The following TMC4 variants were observed in gnomAD, a reference collection of about 807,000 sequenced individuals.
TMC4 encodes the protein voltage-gated chloride channel TMC4.
TMC4 carries 70 observed loss-of-function variants against 82.0 expected under a neutral mutation model. That is an observed-to-expected ratio of 0.85 (90% CI 0.70 to 1.04). TMC4 has a LOEUF of 1.04. Ranked by LOEUF, TMC4 falls within the 50% of genes least tolerant of loss-of-function variation. The pLI is 0.00. For missense variants in TMC4, 879 were observed against 899.0 expected (o/e 0.98, Z 0.28); for synonymous variants, 446 against 406.0 (o/e 1.10, Z -1.18).
At chr19:54,163,950 T>G in intron 7 of TMC4, 63 bp from the exon 8 acceptor site, 1 of 1,499,204 alleles carries the variant, frequency 6.7e-7, no homozygotes, top group Non-Finnish European at 9.1e-7. Flanking sequence ...CTTAAGGTCC[T>G]CCCCCCGGCC....
In TMC4 at chr19:54,171,869, C is replaced by G; in HGVS notation, c.293+1G>C. ...GGTCCCAGCTGGAGGTGGGGCCTCA[C>G]CTGTGTGCCCGTCTGGCCTGCATGG... On this transcript the variant is annotated splice_donor_variant, in intron 2 of 14. Coordinates refer to ENST00000619895, the MANE Select transcript of TMC4 (RefSeq NM_144686.4). LOFTEE classifies it high-confidence loss of function. 6.3e-7 allele frequency: 1 copy of G among 1,596,890 alleles called. No individual in the cohort carries two copies. The highest frequency in any genetic ancestry group is 8.5e-7 in the Non-Finnish European group (1 of 1,170,992).
chr19:54,168,109 C>T, intron 5 of TMC4, 62 bp downstream of exon 5: 1 of 1,517,620 alleles, frequency 6.6e-7, no homozygotes, highest in Non-Finnish European at 8.9e-7. Context: ...TTTCTGCCAC[C>T]ACCACTTGCT....
At position 54,171,939 on chromosome 19, in the gene TMC4, T is replaced by C. The variant is rs1391983542; in HGVS notation, c.224A>G (p.Gln75Arg). Residue 75 changes from glutamine (Q) to arginine (R), a missense_variant, in exon 2 of 15, where the codon CAG becomes CGG. Gln to Arg is a conservative substitution (Grantham distance 43, BLOSUM62 1). Coordinates refer to ENST00000619895, the MANE Select transcript of TMC4 (RefSeq NM_144686.4). ...RSRKAFTEVT[Q>R]TELQDPHPSR... ...AGGGTGAGGGTCCTGCAGCTCTGTCTGGGTGACTTCTGTGAAGGCCTTTCT... is the reference window on the plus strand; with the variant it reads ...AGGGTGAGGGTCCTGCAGCTCTGTCCGGGTGACTTCTGTGAAGGCCTTTCT... 1 of 1,613,742 alleles carries C rather than the reference T, an allele frequency of 6.2e-7. No individual in the cohort carries two copies. The highest frequency in any genetic ancestry group is 1.7e-5 in the Admixed American group (1 of 59,976).
chr19:54,163,637 GA>G (rs1326862781), intron 8 of TMC4, 86 bp downstream of exon 8: 4 of 1,491,434 alleles, frequency 2.7e-6, no homozygotes, highest in Non-Finnish European at 3.7e-6. Flanking sequence ...GTATCAGCAG[GA>G]TTTCCGTGTC....
intron 13 of TMC4, 50 bp downstream of exon 13, chr19:54,160,828 C>T: frequency 6.2e-7 from 1 of 1,601,154 alleles, no homozygotes; most frequent in Non-Finnish European, 8.5e-7. Context: ...GGTGGTGGCC[C>T]CCAGATCACA....
intron 5 of TMC4, 106 bp from the exon 6 acceptor site, chr19:54,165,672 C>T: frequency 7.4e-7 from 1 of 1,355,612 alleles, no homozygotes; most frequent in South Asian, 1.4e-5. Context: ...ACCCTAAGGC[C>T]TTGGGTACTA....
intron 2 of TMC4, 112 bp from the exon 3 acceptor site, chr19:54,169,772 T>C (rs2075839881): frequency 7.1e-7 from 1 of 1,405,742 alleles, no homozygotes; most frequent in Admixed American, 2.4e-5. Flanking sequence ...GGCCTATACA[T>C]AAGATAGAAT....
intron 5 of TMC4, 49 bp downstream of exon 5, chr19:54,168,122 C>A (rs143879652): frequency 9.0e-6 from 14 of 1,551,054 alleles, no homozygotes; most frequent in Non-Finnish European, 1.1e-5. Flanking sequence ...CACTTGCTTC[C>A]CCACCCCAAC....
intron 1 of TMC4, 191 bp downstream of exon 1, chr19:54,172,848 C>G (rs1267197521): frequency 3.4e-6 from 2 of 583,422 alleles, no homozygotes; most frequent in East Asian, 6.0e-5. Flanking sequence ...TAGCCTGGTT[C>G]TCCAGGCTCC....
In TMC4 at chr19:54,162,731, G is replaced by T. The variant is rs150616659; in HGVS notation, c.1444C>A (p.Leu482Met). Residue 482 changes from leucine (L) to methionine (M), a missense_variant, in exon 10 of 15, where the codon CTG (leucine) becomes ATG (methionine). Leu to Met is a conservative substitution (Grantham distance 15). Transcript: ENST00000619895. ...AAGACAGTCAGCAGATCAAAGAGCAGAAGTTTGTACATTTCCTGGCCCAGG... is the reference window on the plus strand; with the variant it reads ...AAGACAGTCAGCAGATCAAAGAGCATAAGTTTGTACATTTCCTGGCCCAGG... ...TVLGQEMYKL[L>M]LFDLLTVLAV... 3.9e-4 allele frequency: 632 copies of T among 1,614,010 alleles called. 7 individuals are homozygous for T. Among genetic ancestry groups the T allele is most frequent in the Admixed American group, 6.7e-5 (4 of 59,998 alleles).
Position 54,168,661 on chromosome 19 carries a change from C to T in TMC4, c.462G>A (p.Thr154=), listed in dbSNP as rs765832688. 3.2e-6 allele frequency: 5 copies of T among 1,551,652 alleles called. No individual in the cohort carries two copies. The highest frequency in any genetic ancestry group is 4.4e-6 in the Non-Finnish European group (5 of 1,147,932). The change falls in exon 4 of 15, where the codon ACG becomes ACA. Residue 154 remains threonine (T), a synonymous_variant. Coordinates refer to ENST00000619895, the MANE Select transcript of TMC4 (RefSeq NM_144686.4). ...AGCGCAGCAGGGAGAAGTAGGACTC[C>T]GTGCCGGCGCCAAACTGGCCTGCAG... ...KRIGGQFGAG[T]ESYFSLLRFL... is the part of the protein sequence containing the mutation.
rs775913047 is a variant in TMC4 at position 54,162,998 on chromosome 19, C to A, written c.1404+35G>T. On this transcript the variant is annotated intron_variant, in intron 9 of 14. Coordinates refer to ENST00000619895, the MANE Select transcript of TMC4 (RefSeq NM_144686.4). ...CCCAGCTCCATCTTTCCTTCAGGGA[C>A]CCAAGAGTCCCACGCACACCCATGC... 45 of 1,614,082 alleles carry A rather than the reference C, an allele frequency of 2.8e-5. No homozygotes were observed. The East Asian group carries it at 9.6e-4, about 34-fold the overall frequency.
intron 2 of TMC4, among the ~76,000 whole-genome samples, 163 bp downstream of exon 2, chr19:54,171,707 A>G (rs1257228155): frequency 6.6e-6 from 1 of 152,182 alleles, no homozygotes; most frequent in Admixed American, 6.5e-5. Flanking sequence ...GTAGAGACAA[A>G]GATGAGGGGA....
chr19:54,168,721 G>T, intron 3 of TMC4, 41 bp from the exon 4 acceptor site: 4 of 1,385,804 alleles, frequency 2.9e-6, no homozygotes. Flanking sequence ...TCCTTCCCGG[G>T]AGCAGGACCA....
chr19:54,162,586 A>G (rs925301141), intron 10 of TMC4, 87 bp downstream of exon 10: 1 of 1,094,066 alleles, frequency 9.1e-7, no homozygotes, highest in African/African-American at 1.5e-5. Context: ...CGGGAATGGT[A>G]AAAAGGTGCG....
rs1175895346 is a variant in TMC4 at position 54,164,474 on chromosome 19, T to C, written c.1073A>G (p.Tyr358Cys). The change falls in exon 7 of 15, where the codon TAT becomes TGT. Residue 358 changes from tyrosine (Y) to cysteine (C), a missense_variant. Coordinates refer to ENST00000619895, the MANE Select transcript of TMC4 (RefSeq NM_144686.4). ...GCACCCCGTAGCCCAGTAGACGCCA[T>C]AGAAGGCTGCCCCCAGGAGCGCGAC... ...LVVALLGAAF[Y>C]GVYWATGCTV... 1.1e-5 allele frequency: 17 copies of C among 1,613,802 alleles called. No homozygotes were observed. Among genetic ancestry groups the C allele is most frequent in the East Asian group, 2.2e-5 (1 of 44,866 alleles).
chr19:54,172,235 C>T, intron 1 of TMC4, 152 bp from the exon 2 acceptor site: 1 of 360,628 alleles, frequency 2.8e-6, no homozygotes, highest in South Asian at 7.4e-5. Context: ...GAGTCCAGGC[C>T]CCCGGCTCCT....
rs2075590508 is a variant in TMC4 at position 54,162,554 on chromosome 19, A to G, written c.1502+119T>C. ...GCGGGGAGATCTGCGGACCTAGGGC[A>G]AGCAAAGGGAGCAGGCAGAGGCGGG... On this transcript the variant is annotated intron_variant, in intron 10 of 14. Transcript: ENST00000619895. 5.8e-6 allele frequency: 5 copies of G among 862,432 alleles called. No individual in the cohort carries two copies. In the East Asian group the frequency reaches 1.3e-4, roughly 22 times the overall value. The allele number at this position is 862,432 out of a possible 1,614,324, so 53.4% of individuals were successfully genotyped here.
rs1198944858 is a variant in TMC4 at position 54,168,797 on chromosome 19, C to CT, written c.443-118dup. ...TTTCTTTCTTTCTTTTCTTTTCTTT[C>CT]TTTTCTTTTCTTTTCTTTTCTTTTC... is the stretch of plus-strand genomic sequence containing the variant. On this transcript the variant is annotated intron_variant, in intron 3 of 14. Coordinates refer to ENST00000619895, the MANE Select transcript of TMC4 (RefSeq NM_144686.4). 4.3e-5 allele frequency: 2 copies of CT among 45,986 alleles called. 1 individual carries two copies. The highest frequency in any genetic ancestry group is 6.7e-5 in the Non-Finnish European group (2 of 29,746). 2.8% of individuals were successfully genotyped at this position (45,986 alleles called of 1,614,324 possible).
Sources: allele counts gnomAD v4.1 joint callset (sites outside exome capture counted in the v4.1 genomes callset), GRCh38; gene constraint gnomAD v4.1.1; transcripts MANE v1.5; gene names NCBI Gene and HGNC (gene_info 2026-07-23, HGNC 2026-07-21).